PROSER2: variants seen among roughly 807,000 people sequenced by gnomAD.
PROSER2 encodes proline and serine rich 2, also known as proline and serine-rich protein 2.
A neutral mutation model predicts 14.6 loss-of-function variants in PROSER2; 18 were observed. The observed-to-expected ratio is 1.23, with a 90% CI of 0.85 to 1.83. PROSER2 has a LOEUF of 1.83. PROSER2 is among the 40% of genes most tolerant of loss of function. PROSER2 has a pLI of 0.00. For synonymous variants in PROSER2, 367 were observed against 286.4 expected (o/e 1.28, Z -2.84); for missense variants, 823 against 629.8 (o/e 1.31, Z -3.28).
intron 2 of PROSER2, among the ~76,000 whole-genome samples, chr10:11,863,489 G>T (rs1433206266): frequency 1.3e-5 from 2 of 151,666 alleles, no homozygotes; most frequent in Admixed American, 1.3e-4. Context: ...AGCGAGTCAG[G>T]ATCGCGCCAC....
At position 11,865,380 on chromosome 10, in the gene PROSER2, C is replaced by T. The variant is rs574425676; in HGVS notation, c.139-1151C>T. On this transcript the variant is annotated intron_variant, in intron 2 of 3. Transcript: ENST00000277570. This position sits in a 1 kb window ranked among gnomAD's most constrained non-coding sequence, Gnocchi z 4.2. ...CTCTTATCTGACAACTGATGATAGC[C>T]TTTTTGAAGTTTTCCATCACTCCAC... Among the ~76,000 whole-genome samples, 1 of 152,204 alleles carries T rather than the reference C, an allele frequency of 6.6e-6. No individual in the cohort carries two copies. Among genetic ancestry groups the T allele is most frequent in the South Asian group, 2.1e-4 (1 of 4,820 alleles).
In PROSER2 at chr10:11,866,623, G is replaced by A. The variant is rs1268825023; in HGVS notation, c.231G>A (p.Glu77=). The A allele has an allele frequency of 6.2e-7, 1 of 1,614,220 alleles. No individual in the cohort carries two copies. Among genetic ancestry groups the A allele is most frequent in the East Asian group, 2.2e-5 (1 of 44,886 alleles). ...TTGACTCCCTAGACGAGGACTTTGA[G>A]GAGCCAGTGCTGTGCGATGGAGGAG... The part of the protein sequence containing the change: ...ETIDSLDEDF[E]EPVLCDGGVC... Residue 77 remains glutamate (E), a synonymous_variant, in exon 3 of 4, where the codon GAG becomes GAA. Transcript: ENST00000277570. This position sits in a 1 kb window ranked among gnomAD's most constrained non-coding sequence, Gnocchi z 6.0.
At chr10:11,832,444 T>G (rs1460567018) in intron 1 of PROSER2, among the ~76,000 whole-genome samples, 1 of 152,228 alleles carries the variant, frequency 6.6e-6, no homozygotes, top group Non-Finnish European at 1.5e-5. Flanking sequence ...TTAAGATTAA[T>G]TTTGTTCATG....
At position 11,871,434 on chromosome 10, in the gene PROSER2, A is replaced by G. The variant is rs1345464634; in HGVS notation, c.*1028A>G. On this transcript the variant is annotated 3_prime_UTR_variant, in exon 4 of 4. Coordinates refer to ENST00000277570, the MANE Select transcript of PROSER2 (RefSeq NM_153256.4). Reference sequence around the variant, plus strand: ...TTCCAAGTAAGCAAGACTGTTCACTAAAGAAGGAACTTTTTAGAAAACTAA... The same window carrying G: ...TTCCAAGTAAGCAAGACTGTTCACTGAAGAAGGAACTTTTTAGAAAACTAA... The G allele has an allele frequency of 6.6e-6, 1 of 152,220 alleles. No individual in the cohort carries two copies. The highest frequency in any genetic ancestry group is 6.5e-5 in the Admixed American group (1 of 15,280). The allele number at this position is 152,220 out of a possible 1,614,324, so 9.4% of individuals were successfully genotyped here.
Position 11,852,127 on chromosome 10 carries a change from C to T in PROSER2, c.50C>T (p.Thr17Met), listed in dbSNP as rs758163603. 8 of 1,613,816 alleles carry T rather than the reference C, an allele frequency of 5.0e-6. No homozygotes were observed. The highest frequency in any genetic ancestry group is 2.7e-5 in the African/African-American group (2 of 75,042). Reference sequence around the variant, plus strand: ...GACGCATCTGACATGAACTCAGACACGTCCCCCAGCTGCAGGCTCCGAGCC... The same window carrying T: ...GACGCATCTGACATGAACTCAGACATGTCCCCCAGCTGCAGGCTCCGAGCC... Reference protein sequence around the residue: ...KSDASDMNSDTSPSCRLRAFS... With the variant: ...KSDASDMNSDMSPSCRLRAFS... Residue 17 changes from threonine (T) to methionine (M), a missense_variant, in exon 2 of 4, where the codon ACG (threonine) becomes ATG (methionine). Coordinates refer to ENST00000277570, the MANE Select transcript of PROSER2 (RefSeq NM_153256.4).
At chr10:11,854,649 C>T (rs1169420155) in intron 2 of PROSER2, among the ~76,000 whole-genome samples, 3 of 151,040 alleles carry the variant, frequency 2.0e-5, no homozygotes, top group African/African-American at 7.3e-5. Flanking sequence ...CCTCTGCCTC[C>T]TGGTTTCAAG....
chr10:11,852,035 C>A lies in PROSER2; in HGVS notation c.-43C>A. ...CCGCAGAATGGGCTGCTGGCTCCTG[C>A]CCTGCTTCCTGTGATCGAGCCGGCC... On this transcript the variant is annotated 5_prime_UTR_variant, in exon 2 of 4. Coordinates refer to ENST00000277570, the MANE Select transcript of PROSER2 (RefSeq NM_153256.4). The A allele has an allele frequency of 6.4e-7, 1 of 1,556,840 alleles. No individual in the cohort carries two copies. The highest frequency in any genetic ancestry group is 1.2e-5 in the South Asian group (1 of 83,662).
At chr10:11,829,855 T>G (rs1445788083) in intron 1 of PROSER2, among the ~76,000 whole-genome samples, 1 of 143,492 alleles carries the variant, frequency 7.0e-6, no homozygotes, top group Non-Finnish European at 1.5e-5. Context: ...TTTTTTTTTT[T>G]TTTTTTTAGA....
Position 11,862,526 on chromosome 10 carries a change from T to C in PROSER2, c.139-4005T>C, listed in dbSNP as rs972518449. 6.6e-6 allele frequency among the ~76,000 whole-genome samples: 1 copy of C among 152,118 alleles called. No individual in the cohort carries two copies. Among genetic ancestry groups the C allele is most frequent in the Non-Finnish European group, 1.5e-5 (1 of 68,016 alleles). ...GGGCCATGTAGCAAGACTTTGTCTCTACAAAAAATATATAAAAATTAGCTG... is the reference window on the plus strand; with the variant it reads ...GGGCCATGTAGCAAGACTTTGTCTCCACAAAAAATATATAAAAATTAGCTG... On this transcript the variant is annotated intron_variant, in intron 2 of 3. Transcript: ENST00000277570. This position sits in a 1 kb window ranked among gnomAD's most constrained non-coding sequence, Gnocchi z 4.2.
intron 1 of PROSER2, among the ~76,000 whole-genome samples, chr10:11,849,279 G>A (rs1833977402): frequency 6.6e-6 from 1 of 152,194 alleles, no homozygotes; most frequent in Admixed American, 6.5e-5. Flanking sequence ...TAATGGCACT[G>A]AACATTGTTA....
chr10:11,831,854 A>G (rs912800240), intron 1 of PROSER2: 2 of 152,202 alleles, frequency 1.3e-5, no homozygotes, highest in Non-Finnish European at 2.9e-5. Flanking sequence ...GTTTGCTTTA[A>G]GTGTGGGCGA....
In PROSER2 at chr10:11,866,512, C is replaced by A; in HGVS notation, c.139-19C>A. 1 of 1,612,290 alleles carries A rather than the reference C, an allele frequency of 6.2e-7. No individual in the cohort carries two copies. The highest frequency in any genetic ancestry group is 1.1e-5 in the South Asian group (1 of 90,758). On this transcript the variant is annotated intron_variant, in intron 2 of 3. Transcript: ENST00000277570. The surrounding 1 kb of genome is among the most constrained non-coding windows in gnomAD (Gnocchi z 6.0). ...CAGTGTTTGTTTTCTCTCTTCTGTT[C>A]CCAATCCCTGTACTCTAGGATGATG...
intron 2 of PROSER2, among the ~76,000 whole-genome samples, chr10:11,855,657 G>A (rs1472348243): frequency 1.3e-5 from 2 of 152,062 alleles, no homozygotes; most frequent in East Asian, 1.9e-4. Context: ...GTTTGGTGAC[G>A]CACAACTGTA....
intron 1 of PROSER2, among the ~76,000 whole-genome samples, chr10:11,826,846 C>G (rs1208162083): frequency 6.7e-6 from 1 of 148,934 alleles, no homozygotes; most frequent in African/African-American, 2.5e-5. Context: ...TCCCAAAGTG[C>G]TGGGATTACA....
At chr10:11,843,961 ACTT>A (rs2131061599) in intron 1 of PROSER2, among the ~76,000 whole-genome samples, 1 of 151,046 alleles carries the variant, frequency 6.6e-6, no homozygotes, top group East Asian at 1.9e-4. Context: ...TCTAATTATC[ACTT>A]CTTTGAAAAT....
intron 2 of PROSER2, among the ~76,000 whole-genome samples, chr10:11,858,547 C>T (rs1215755033): frequency 6.6e-6 from 1 of 152,092 alleles, no homozygotes; most frequent in East Asian, 1.9e-4. Context: ...TTATAATGAC[C>T]TTAGTATGTT....
In PROSER2 at chr10:11,869,342, A is replaced by T; in HGVS notation, c.392-148A>T. On this transcript the variant is annotated intron_variant, in intron 3 of 3. Transcript: ENST00000277570. This position sits in a 1 kb window ranked among gnomAD's most constrained non-coding sequence, Gnocchi z 4.4. ...ACCTTCTCCTTCCCTAGTCCCAGGA[A>T]CAGGGAGAGAGGAGTTGACTCACAG... The T allele has an allele frequency of 1.6e-6, 1 of 639,740 alleles. No homozygotes were observed. Among genetic ancestry groups the T allele is most frequent in the Non-Finnish European group, 2.8e-6 (1 of 352,600 alleles). 39.6% of individuals were successfully genotyped at this position (639,740 alleles called of 1,614,324 possible). A position where few individuals can be genotyped will look rare whatever the true frequency, so the allele number is the denominator to read the frequency against.
chr10:11,863,441 G>C (rs1834283202), intron 2 of PROSER2, among the ~76,000 whole-genome samples: 1 of 152,100 alleles, frequency 6.6e-6, no homozygotes, highest in Non-Finnish European at 1.5e-5. Flanking sequence ...TGGAGGCTGA[G>C]GCAGGAGAAC....
rs1251280142 is a variant in PROSER2 at position 11,836,719 on chromosome 10, C to A, written c.-82+13249C>A. 6.6e-6 allele frequency among the ~76,000 whole-genome samples: 1 copy of A among 152,142 alleles called. No individual in the cohort carries two copies. The highest frequency in any genetic ancestry group is 2.4e-5 in the African/African-American group (1 of 41,430). ...TTTAGAAGCTCATTTCTACCTCTTT[C>A]CCAGCTCAACTGTGCTTGTCTTGAC... On this transcript the variant is annotated intron_variant, in intron 1 of 3. Transcript: ENST00000277570. The surrounding 1 kb of genome is among the most constrained non-coding windows in gnomAD (Gnocchi z 4.6).
Sources: allele counts gnomAD v4.1 joint callset (sites outside exome capture counted in the v4.1 genomes callset), GRCh38; gene constraint gnomAD v4.1.1; non-coding constraint Gnocchi (gnomAD v3.1); transcripts MANE v1.5; gene names NCBI Gene and HGNC (gene_info 2026-07-23, HGNC 2026-07-21).